Variants in MEMO1 observed in about 807,000 individuals in gnomAD.
The protein encoded by MEMO1 is mediator of cell motility 1.
A neutral mutation model predicts 45.2 loss-of-function variants in MEMO1; 6 were observed. The observed-to-expected ratio is 0.13, with a 90% CI of 0.07 to 0.26. MEMO1 has a LOEUF of 0.26. Ranked by LOEUF, MEMO1 falls within the 10% of genes least tolerant of loss-of-function variation. The probability of loss-of-function intolerance (pLI) is 1.00; values close to 1 mark genes in which losing one functional copy is unlikely to be tolerated. For synonymous variants in MEMO1, 78 were observed against 124.3 expected (o/e 0.63, Z 2.48); for missense variants, 184 against 370.5 (o/e 0.50, Z 4.13).
At chr2:31,893,424 G>C in intron 6 of MEMO1, 1 of 989,372 alleles carries the variant, frequency 1.0e-6, no homozygotes, top group East Asian at 1.1e-4. Context: ...ACTGAATAGG[G>C]GCTCTTCAAT....
rs961270640 is a variant in MEMO1, at chr2:31,985,774, T to C, written c.61+24413A>G. On this transcript the variant is annotated intron_variant, in intron 2 of 9. Coordinates refer to ENST00000404530, the MANE Select transcript of MEMO1 (RefSeq NM_001301833.4). ...ACCAGAAGTCCTCATATGCATGTAA[T>C]GTTTAACTTAATAATCTAGCAGAAC... is the stretch of plus-strand genomic sequence containing the variant. Among the ~76,000 whole-genome samples the C allele has an allele frequency of 3.3e-5, 5 of 152,238 alleles. No individual in the cohort carries two copies. In the East Asian group the frequency reaches 7.7e-4, roughly 23 times the overall value.
chr2:31,929,911 T>G (rs1683693199), intron 4 of MEMO1, among the ~76,000 whole-genome samples: 1 of 152,240 alleles, frequency 6.6e-6, no homozygotes, highest in South Asian at 2.1e-4. Context: ...ATTTTACACT[T>G]AGACCTTAAA....
intron 2 of MEMO1, among the ~76,000 whole-genome samples, chr2:31,977,121 G>A (rs1486337677): frequency 6.6e-6 from 1 of 152,026 alleles, no homozygotes; most frequent in Non-Finnish European, 1.5e-5. Context: ...AGCAGAAGAC[G>A]GCAGGGTATT....
In MEMO1 at chr2:31,966,333, C is replaced by T. The variant is rs56988829; in HGVS notation, c.62-22950G>A. ...TCACTTACCAGCCAGTGTCAGTTAC[C>T]ACTACTGGTTATTCGGTGATCTGTC... On this transcript the variant is annotated intron_variant, in intron 2 of 9. Transcript: ENST00000404530. 7.2e-3 allele frequency among the ~76,000 whole-genome samples: 1,101 copies of T among 152,290 alleles called. 9 individuals are homozygous for T. Among genetic ancestry groups the T allele is most frequent in the African/African-American group, 0.025 (1,040 of 41,562 alleles).
At chr2:31,913,002 G>GGCAT (rs1282901754) in intron 6 of MEMO1, among the ~76,000 whole-genome samples, 1 of 152,062 alleles carries the variant, frequency 6.6e-6, no homozygotes, top group Non-Finnish European at 1.5e-5. Flanking sequence ...CATGCAGCCA[G>GGCAT]GCATGGTGGC....
chr2:31,872,465 A>G (rs1321351468), intron 8 of MEMO1, among the ~76,000 whole-genome samples: 1 of 152,212 alleles, frequency 6.6e-6, no homozygotes, highest in East Asian at 1.9e-4. Flanking sequence ...TAATATTAAA[A>G]TCTCAAAGCA....
chr2:31,998,138 A>G (rs1320617017), intron 2 of MEMO1, among the ~76,000 whole-genome samples: 1 of 152,102 alleles, frequency 6.6e-6, no homozygotes, highest in Admixed American at 6.6e-5. Context: ...CAGCCTCCAC[A>G]GTATATGGGA....
intron 2 of MEMO1, among the ~76,000 whole-genome samples, chr2:31,984,248 A>C (rs1671002411): frequency 6.6e-6 from 1 of 152,192 alleles, no homozygotes; most frequent in African/African-American, 2.4e-5. Flanking sequence ...CATTAATTTA[A>C]TGTAACCCCA....
chr2:31,969,359 T>TGA (rs10650742), intron 2 of MEMO1, among the ~76,000 whole-genome samples: 22,650 of 150,368 alleles, frequency 0.15, 1,972 homozygotes, highest in African/African-American at 0.23. Flanking sequence ...CATATATATG[T>TGA]TACGTGTATA....
intron 6 of MEMO1, among the ~76,000 whole-genome samples, chr2:31,905,699 A>G (rs1182844868): frequency 2.0e-5 from 3 of 152,312 alleles, no homozygotes; most frequent in Admixed American, 2.0e-4. Flanking sequence ...TGATAATGGC[A>G]ATATTATAAG....
chr2:31,874,517 G>A (rs770094229), intron 8 of MEMO1, among the ~76,000 whole-genome samples: 6 of 151,894 alleles, frequency 4.0e-5, no homozygotes, highest in Non-Finnish European at 8.8e-5. Context: ...AATAAGAATA[G>A]CTATTTTTCT....
chr2:31,974,925 C>CT (rs1160292389), intron 2 of MEMO1, among the ~76,000 whole-genome samples: 2 of 152,120 alleles, frequency 1.3e-5, no homozygotes, highest in African/African-American at 4.8e-5. Context: ...AATCCCTGCA[C>CT]TTTGAGAGGC....
Position 31,931,753 on chromosome 2 carries a change from G to A in MEMO1, c.212+314C>T, listed in dbSNP as rs1212509215. Among the ~76,000 whole-genome samples, 3 of 152,224 alleles carry A rather than the reference G, an allele frequency of 2.0e-5. No individual in the cohort carries two copies. The South Asian group carries it at 6.2e-4, about 32-fold the overall frequency. On this transcript the variant is annotated intron_variant, in intron 4 of 9. Coordinates refer to ENST00000404530, the MANE Select transcript of MEMO1 (RefSeq NM_001301833.4). Reference sequence around the variant, plus strand: ...ATTACGAAATGATTAAAACAGATCAGAGGGCTTTGCATTTTTCTTAAGAAT... The same window carrying A: ...ATTACGAAATGATTAAAACAGATCAAAGGGCTTTGCATTTTTCTTAAGAAT...
intron 2 of MEMO1, among the ~76,000 whole-genome samples, chr2:31,988,420 G>A (rs1415326242): frequency 1.3e-5 from 2 of 152,090 alleles, no homozygotes; most frequent in Non-Finnish European, 2.9e-5. Context: ...GGTGGCACAC[G>A]CCTGTAATCC....
chr2:31,965,626 C>G (rs1244480557), intron 2 of MEMO1, among the ~76,000 whole-genome samples: 1 of 152,116 alleles, frequency 6.6e-6, no homozygotes, highest in Non-Finnish European at 1.5e-5. Context: ...GTTTCCTTAT[C>G]TATAAAAATG....
At position 31,929,736 on chromosome 2, in the gene MEMO1, A is replaced by C. The variant is rs570104510; in HGVS notation, c.212+2331T>G. ...AAAGATGATCCTGGCTGAAATATAGAACAAAAATGGATTAATGTGGAAGGT... is the reference window on the plus strand; with the variant it reads ...AAAGATGATCCTGGCTGAAATATAGCACAAAAATGGATTAATGTGGAAGGT... On this transcript the variant is annotated intron_variant, in intron 4 of 9. Transcript: ENST00000404530. Among the ~76,000 whole-genome samples, 4 of 152,344 alleles carry C rather than the reference A, an allele frequency of 2.6e-5. No individual in the cohort carries two copies. The South Asian group carries it at 8.3e-4, about 32-fold the overall frequency.
At chr2:31,931,361 G>C (rs371807423) in intron 4 of MEMO1, among the ~76,000 whole-genome samples, 3 of 152,034 alleles carry the variant, frequency 2.0e-5, no homozygotes, top group African/African-American at 7.3e-5. Flanking sequence ...GTATTTGACA[G>C]AACTAAGATG....
At chr2:31,973,537 A>G (rs562440478) in intron 2 of MEMO1, among the ~76,000 whole-genome samples, 2 of 152,334 alleles carry the variant, frequency 1.3e-5, no homozygotes, top group East Asian at 3.9e-4. Flanking sequence ...CACTATTCAC[A>G]AAAGCCAAAA....
chr2:31,948,628 G>A (rs1441496560), intron 2 of MEMO1, among the ~76,000 whole-genome samples: 2 of 152,334 alleles, frequency 1.3e-5, no homozygotes, highest in South Asian at 2.1e-4. Context: ...AGAGGGCACA[G>A]TGGCTCACAC....
Sources: allele counts gnomAD v4.1 joint callset (sites outside exome capture counted in the v4.1 genomes callset), GRCh38; gene constraint gnomAD v4.1.1; transcripts MANE v1.5; gene names NCBI Gene and HGNC (gene_info 2026-07-23, HGNC 2026-07-21).